Variants in RBFOX1 observed in about 807,000 individuals in gnomAD.
RBFOX1 encodes the protein RNA binding protein fox-1 homolog 1.
A neutral mutation model predicts 57.7 loss-of-function variants in RBFOX1; 8 were observed. The observed-to-expected ratio is 0.14, with a 90% CI of 0.08 to 0.25. The LOEUF is 0.25. Among genes scored for constraint, RBFOX1 ranks in the 10% least tolerant of loss-of-function variants. RBFOX1 has a pLI of 1.00. For missense variants in RBFOX1, 611 were observed against 548.5 expected (o/e 1.11, Z -1.14); for synonymous variants, 326 against 222.4 (o/e 1.47, Z -4.15).
chr16:6,247,394 C>T (rs1034738595), intron 1 of RBFOX1, among the ~76,000 whole-genome samples: 1 of 152,112 alleles, frequency 6.6e-6, no homozygotes, highest in African/African-American at 2.4e-5. Context: ...ATTACATCAA[C>T]CATAAAATGA....
chr16:5,915,659 C>A (rs2058689496), intron 4 of RBFOX1, among the ~76,000 whole-genome samples: 1 of 152,078 alleles, frequency 6.6e-6, no homozygotes, highest in Admixed American at 6.6e-5. Flanking sequence ...TGGTAAAACC[C>A]TGTCTCTACT....
At chr16:7,076,458 A>G (rs537530499) in intron 4 of RBFOX1, among the ~76,000 whole-genome samples, 10 of 152,280 alleles carry the variant, frequency 6.6e-5, no homozygotes, top group South Asian at 2.1e-4. Flanking sequence ...AGAAAATAGG[A>G]TATACCAGAT....
At chr16:6,656,946 T>TCCTCTCCTCCCCTTTCCTCC (rs2098660418) in intron 3 of RBFOX1, among the ~76,000 whole-genome samples, 1 of 31,740 alleles carries the variant, frequency 3.2e-5, no homozygotes, top group African/African-American at 1.3e-4. Context: ...TCCTCCCCTT[T>TCCTCTCCTCCCCTTTCCTCC]CCTCTCCTCC....
intron 4 of RBFOX1, among the ~76,000 whole-genome samples, chr16:7,465,534 G>A (rs1419566744): frequency 1.3e-5 from 2 of 152,208 alleles, no homozygotes; most frequent in African/African-American, 4.8e-5. Flanking sequence ...GGAAAGCACT[G>A]CCTGCCAGGC....
intron 3 of RBFOX1, among the ~76,000 whole-genome samples, chr16:5,770,208 T>A (rs954085366): frequency 6.6e-6 from 1 of 151,548 alleles, no homozygotes; most frequent in African/African-American, 2.4e-5. Flanking sequence ...AGGACTGTTT[T>A]CAGAACACCA....
At chr16:6,215,787 TG>T (rs1278669133) in intron 1 of RBFOX1, among the ~76,000 whole-genome samples, 1 of 152,190 alleles carries the variant, frequency 6.6e-6, no homozygotes, top group Middle Eastern at 3.2e-3. Context: ...TAACCCAGCC[TG>T]TTTTCTTACA....
At chr16:5,953,456 T>G (rs1040083325) in intron 4 of RBFOX1, among the ~76,000 whole-genome samples, 1 of 152,246 alleles carries the variant, frequency 6.6e-6, no homozygotes, top group African/African-American at 2.4e-5. Context: ...CACTGTACGC[T>G]GCACCCAGTT....
chr16:6,681,734 T>A (rs1454807862), intron 3 of RBFOX1, among the ~76,000 whole-genome samples: 1 of 151,950 alleles, frequency 6.6e-6, no homozygotes, highest in African/African-American at 2.4e-5. Context: ...ACGATATTGA[T>A]AATAATATAA....
At chr16:7,413,683 C>G (rs1282807336) in intron 4 of RBFOX1, among the ~76,000 whole-genome samples, 2 of 152,022 alleles carry the variant, frequency 1.3e-5, no homozygotes, top group East Asian at 3.9e-4. Context: ...AAGTATTCCT[C>G]AGCGGGTGTG....
At chr16:6,118,571 C>T (rs1351729555) in intron 1 of RBFOX1, among the ~76,000 whole-genome samples, 3 of 151,976 alleles carry the variant, frequency 2.0e-5, no homozygotes, top group Non-Finnish European at 4.4e-5. Flanking sequence ...TTCTCTTTCT[C>T]TTTCTCTCTC....
At chr16:7,406,621 C>G (rs913201512) in intron 4 of RBFOX1, among the ~76,000 whole-genome samples, 1 of 152,236 alleles carries the variant, frequency 6.6e-6, no homozygotes, top group African/African-American at 2.4e-5. Context: ...CTCTAAAACT[C>G]TCTGCCTTCC....
At chr16:6,718,483 CAG>C (rs139408503) in intron 3 of RBFOX1, among the ~76,000 whole-genome samples, 5,427 of 152,230 alleles carry the variant, frequency 0.036, 278 homozygotes, top group African/African-American at 0.11. Context: ...CACGGTTGGA[CAG>C]AGTCTTGAGA....
chr16:7,242,643 C>G (rs1205974874), intron 4 of RBFOX1, among the ~76,000 whole-genome samples: 1 of 152,212 alleles, frequency 6.6e-6, no homozygotes, highest in Non-Finnish European at 1.5e-5. Flanking sequence ...GCTCAGCATG[C>G]AGTCAATTCA....
chr16:6,943,101 G>A (rs187717573), intron 3 of RBFOX1, among the ~76,000 whole-genome samples: 189 of 152,252 alleles, frequency 1.2e-3, no homozygotes, highest in Admixed American at 4.2e-3. Context: ...CCCCAGGAGG[G>A]AGCCAATCTG....
At chr16:7,318,380 G>C (rs1444473528) in intron 4 of RBFOX1, among the ~76,000 whole-genome samples, 1 of 152,080 alleles carries the variant, frequency 6.6e-6, no homozygotes, top group Non-Finnish European at 1.5e-5. Context: ...TGGTGATGAT[G>C]TTTGGTGATG....
intron 4 of RBFOX1, among the ~76,000 whole-genome samples, chr16:7,419,233 A>G (rs1203922375): frequency 6.6e-6 from 1 of 151,982 alleles, no homozygotes; most frequent in Non-Finnish European, 1.5e-5. Context: ...AGTTGTTTTT[A>G]TCATGTCCTT....
intron 3 of RBFOX1, among the ~76,000 whole-genome samples, chr16:6,761,255 A>T (rs963928388): frequency 1.4e-4 from 22 of 152,138 alleles, no homozygotes; most frequent in African/African-American, 5.3e-4. Flanking sequence ...AATCAATTTA[A>T]TCCGTCCGAA....
intron 4 of RBFOX1, among the ~76,000 whole-genome samples, chr16:5,937,327 C>T (rs1318293156): frequency 6.6e-6 from 1 of 152,156 alleles, no homozygotes; most frequent in African/African-American, 2.4e-5. Context: ...AAGACAGTAT[C>T]CCTGTCCTCA....
At chr16:7,442,389 A>G (rs1490140715) in intron 4 of RBFOX1, among the ~76,000 whole-genome samples, 1 of 152,154 alleles carries the variant, frequency 6.6e-6, no homozygotes, top group African/African-American at 2.4e-5. Context: ...CGTAAGGAGC[A>G]GCATTTGTCG....
Sources: gnomAD v4.1 joint callset for allele counts (sites outside exome capture counted in the v4.1 genomes callset) on GRCh38, gnomAD v4.1.1 for gene constraint, MANE v1.5 for transcripts, NCBI Gene and HGNC (gene_info 2026-07-23, HGNC 2026-07-21) for gene names.